ZC3H7A: variants seen among roughly 807,000 people sequenced by gnomAD.
ZC3H7A encodes zinc finger CCCH domain-containing protein 7A.
In ZC3H7A, 44 loss-of-function variants were observed where a neutral mutation model predicts 125.5. That is an observed-to-expected ratio of 0.35 (90% CI 0.28 to 0.45). ZC3H7A has a LOEUF of 0.45. Among genes scored for constraint, ZC3H7A ranks in the 20% least tolerant of loss-of-function variants. The pLI, the probability that ZC3H7A is intolerant of heterozygous loss-of-function variation, is 1.00. For missense variants in ZC3H7A, 977 were observed against 1,170.7 expected (o/e 0.83, Z 2.41); for synonymous variants, 399 against 391.2 (o/e 1.02, Z -0.23).
rs1162390942 is a variant in ZC3H7A at position 11,767,435 on chromosome 16, G to T, written c.1504C>A (p.Pro502Thr). The T allele has an allele frequency of 1.9e-6, 3 of 1,590,044 alleles. No homozygotes were observed. Among genetic ancestry groups the T allele is most frequent in the African/African-American group, 1.3e-5 (1 of 74,252 alleles). The change falls in exon 13 of 23, where the codon CCA becomes ACA. Residue 502 changes from proline (P) to threonine (T), a missense_variant. By Grantham distance (38) the Pro-to-Thr change is conservative. Coordinates refer to ENST00000355758, the MANE Select transcript of ZC3H7A (RefSeq NM_014153.4). Reference protein sequence around the residue: ...PRPTKTNYEGPYYICKDVAAE... With the variant: ...PRPTKTNYEGTYYICKDVAAE... Reference sequence around the variant, plus strand: ...TACATACCTTTACATATATAATATGGTCCTTCATAATTTGTTTTTGTTGGT... The same window carrying T: ...TACATACCTTTACATATATAATATGTTCCTTCATAATTTGTTTTTGTTGGT...
Position 11,774,398 on chromosome 16 carries a change from T to G in ZC3H7A, c.741A>C (p.Pro247=). The G allele has an allele frequency of 6.2e-7, 1 of 1,613,694 alleles. No individual in the cohort carries two copies. Among genetic ancestry groups the G allele is most frequent in the Non-Finnish European group, 8.5e-7 (1 of 1,179,772 alleles). Residue 247 remains proline, a synonymous_variant, in exon 9 of 23, where the codon CCA becomes CCC. Transcript: ENST00000355758. Reference sequence around the variant, plus strand: ...GCAGAGCGCTCTCTTCCACTTGTAGTGGCAAAATAGAAGTTAAGGGCATAA... The same window carrying G: ...GCAGAGCGCTCTCTTCCACTTGTAGGGGCAAAATAGAAGTTAAGGGCATAA... ...VPVMPLTSIL[P]LQVEESALPS...
intron 1 of ZC3H7A, 74 bp downstream of exon 1, chr16:11,797,050 C>A (rs1481216142): frequency 7.3e-6 from 1 of 136,080 alleles, no homozygotes; most frequent in Non-Finnish European, 1.6e-5. Context: ...CACGAGGCGG[C>A]GGCGCGCGCG....
chr16:11,784,075 A>G (rs977172211), intron 1 of ZC3H7A, among the ~76,000 whole-genome samples: 1 of 152,196 alleles, frequency 6.6e-6, no homozygotes, highest in African/African-American at 2.4e-5. Context: ...TATTCTCTGG[A>G]CTTTGTATGT....
intron 1 of ZC3H7A, chr16:11,782,601 CTTTTTTTTTT>C (rs896160381): frequency 3.8e-5 from 5 of 130,598 alleles, no homozygotes; most frequent in East Asian, 4.0e-4. Context: ...TTTTCATATT[CTTTTTTTTTT>C]TTTTTTTTTT....
intron 2 of ZC3H7A, 50 bp from the exon 3 acceptor site, chr16:11,781,514 C>A: frequency 1.3e-6 from 2 of 1,587,012 alleles, no homozygotes; most frequent in South Asian, 2.3e-5. Context: ...CTTATCGGGA[C>A]CTGTTCAGCC....
At chr16:11,781,657 T>C (rs866197829) in intron 2 of ZC3H7A, among the ~76,000 whole-genome samples, 193 bp from the exon 3 acceptor site, 2 of 141,030 alleles carry the variant, frequency 1.4e-5, no homozygotes, top group Non-Finnish European at 3.0e-5. Context: ...TATACATATA[T>C]ATATATATAT....
rs1252869585 is a variant in ZC3H7A, at chr16:11,751,273, C to T, written c.*44G>A. The stretch of plus-strand genomic sequence containing the variant: ...GTGCCTCAGAACACTTTCAATTTTT[C>T]TGGTCAATGCTCTGATTAGGTATCA... On this transcript the variant is annotated 3_prime_UTR_variant, in exon 23 of 23. Transcript: ENST00000355758. The T allele has an allele frequency of 6.5e-7, 1 of 1,545,378 alleles. No homozygotes were observed. Among genetic ancestry groups the T allele is most frequent in the East Asian group, 2.3e-5 (1 of 44,194 alleles).
intron 1 of ZC3H7A, among the ~76,000 whole-genome samples, chr16:11,795,465 C>G (rs1223064926): frequency 1.3e-5 from 2 of 152,248 alleles, no homozygotes; most frequent in African/African-American, 2.4e-5. Context: ...GAGAGGGAGT[C>G]TCGCTCTGTT....
intron 1 of ZC3H7A, among the ~76,000 whole-genome samples, chr16:11,790,375 A>G (rs1434348493): frequency 6.6e-6 from 1 of 152,158 alleles, no homozygotes; most frequent in African/African-American, 2.4e-5. Context: ...TTGTTTGCTC[A>G]TACCCTCTGC....
chr16:11,774,160 G>T, intron 9 of ZC3H7A, 76 bp downstream of exon 9: 2 of 1,372,876 alleles, frequency 1.5e-6, no homozygotes, highest in Non-Finnish European at 1.9e-6. Flanking sequence ...TACTGAAAAA[G>T]TCTATCAAGT....
Position 11,751,143 on chromosome 16 carries a change from T to C in ZC3H7A, c.*174A>G, listed in dbSNP as rs1242659842. ...TGATGCCAGTGGTTCCGTGAGAGCGTGGCCAGGCCTGTGAAACAGCCCATT... is the reference window on the plus strand; with the variant it reads ...TGATGCCAGTGGTTCCGTGAGAGCGCGGCCAGGCCTGTGAAACAGCCCATT... On this transcript the variant is annotated 3_prime_UTR_variant, in exon 23 of 23. Transcript: ENST00000355758. 5.1e-6 allele frequency: 3 copies of C among 591,486 alleles called. No individual in the cohort carries two copies. Among genetic ancestry groups the C allele is most frequent in the Admixed American group, 6.9e-5 (2 of 28,814 alleles). 36.6% of individuals were successfully genotyped at this position (591,486 alleles called of 1,614,324 possible).
rs765305485 is a variant in ZC3H7A, at chr16:11,776,408, C to G, written c.546+44G>C. 1.9e-6 allele frequency: 3 copies of G among 1,601,762 alleles called. No individual in the cohort carries two copies. In the East Asian group the frequency reaches 6.7e-5, roughly 36 times the overall value. The stretch of plus-strand genomic sequence containing the variant: ...TTAAAAACAGAACTGACTCCAAGTT[C>G]TAAAACAAAATGAAAACACCTTATG... On this transcript the variant is annotated intron_variant, in intron 6 of 22. Coordinates refer to ENST00000355758, the MANE Select transcript of ZC3H7A (RefSeq NM_014153.4).
intron 16 of ZC3H7A, chr16:11,763,060 T>C (rs952699846): frequency 2.7e-5 from 8 of 294,508 alleles, no homozygotes; most frequent in Non-Finnish European, 4.4e-5. Flanking sequence ...ACAAAATCAA[T>C]AGCGTCACCA....
chr16:11,765,053 T>G lies in ZC3H7A; in HGVS notation c.1820A>C (p.Lys607Thr). 1 of 1,548,388 alleles carries G rather than the reference T, an allele frequency of 6.5e-7. No individual in the cohort carries two copies. The highest frequency in any genetic ancestry group is 8.7e-7 in the Non-Finnish European group (1 of 1,143,256). The change falls in exon 15 of 23, where the codon AAG becomes ACG. Residue 607 changes from lysine to threonine, a missense_variant and splice_region_variant. Coordinates refer to ENST00000355758, the MANE Select transcript of ZC3H7A (RefSeq NM_014153.4). The surrounding 1 kb of genome is among the most constrained non-coding windows in gnomAD (Gnocchi z 4.8). ...PVTKHEFEDN[K>T]CLVHILRETT... is the part of the protein sequence containing the mutation. ...CAGAAATTAGAAACTATCAACATAC[T>G]TATTGTCTTCAAACTCATGCTTTGT...
At chr16:11,754,321 A>AATAT (rs1555493022) in intron 21 of ZC3H7A, among the ~76,000 whole-genome samples, 7 of 140,478 alleles carry the variant, frequency 5.0e-5, no homozygotes, top group Admixed American at 1.4e-4. Context: ...AAGAAAAAAA[A>AATAT]ATATATATAT....
chr16:11,767,365 T>G, intron 13 of ZC3H7A, 52 bp downstream of exon 13: 5 of 1,311,898 alleles, frequency 3.8e-6, no homozygotes, highest in Non-Finnish European at 5.2e-6. Context: ...TAAGCATGAC[T>G]GTAGTTCATC....
chr16:11,763,594 T>C lies in ZC3H7A; in HGVS notation c.1886A>G (p.Gln629Arg). The C allele has an allele frequency of 6.2e-7, 1 of 1,610,598 alleles. No homozygotes were observed. Among genetic ancestry groups the C allele is most frequent in the Non-Finnish European group, 8.5e-7 (1 of 1,178,142 alleles). Residue 629 changes from glutamine to arginine, a missense_variant, in exon 16 of 23, where the codon CAG becomes CGG. Physicochemically the swap from Gln to Arg is conservative, Grantham distance 43. Around this residue, in one of 3 missense-constraint regions of ZC3H7A, gnomAD observed 436 missense variants for 603.2 expected, o/e 0.72. Coordinates refer to ENST00000355758, the MANE Select transcript of ZC3H7A (RefSeq NM_014153.4). Reference sequence around the variant, plus strand: ...ATGTCGACATAAATCAAGCTGACACTGACCATGAAAAGAACGTATTTTGGA... The same window carrying C: ...ATGTCGACATAAATCAAGCTGACACCGACCATGAAAAGAACGTATTTTGGA... ...KYSKIRSFHG[Q>R]CQLDLCRHEV...
intron 1 of ZC3H7A, among the ~76,000 whole-genome samples, chr16:11,790,152 T>C (rs1037948841): frequency 6.6e-6 from 1 of 151,870 alleles, no homozygotes; most frequent in Non-Finnish European, 1.5e-5. Context: ...TTGCCAGCTA[T>C]TGACACAATA....
chr16:11,766,175 T>C (rs908748720), intron 13 of ZC3H7A, among the ~76,000 whole-genome samples: 1 of 152,118 alleles, frequency 6.6e-6, no homozygotes, highest in African/African-American at 2.4e-5. Flanking sequence ...AATACCAAGT[T>C]CTCTCAAAAG....
Sources: allele counts gnomAD v4.1 joint callset (sites outside exome capture counted in the v4.1 genomes callset), GRCh38; gene constraint gnomAD v4.1.1; regional missense constraint gnomAD v4.1.1; non-coding constraint Gnocchi (gnomAD v3.1); transcripts MANE v1.5; gene names NCBI Gene and HGNC (gene_info 2026-07-23, HGNC 2026-07-21).